The following MAP3K5 variants were observed in gnomAD, a reference collection of about 807,000 sequenced individuals.
The protein encoded by MAP3K5 is mitogen-activated protein kinase kinase kinase 5, also known as ASK-1.
A neutral mutation model predicts 158.7 loss-of-function variants in MAP3K5; 56 were observed. That is an observed-to-expected ratio of 0.35 (90% CI 0.28 to 0.44). The LOEUF (loss-of-function observed/expected upper bound fraction) is 0.44. Ranked by LOEUF, MAP3K5 falls within the 20% of genes least tolerant of loss-of-function variation. The pLI is 1.00. For missense variants in MAP3K5, 1,294 were observed against 1,674.8 expected, an observed-to-expected ratio of 0.77 and a Z score of 3.97; for synonymous variants, 579 against 601.7, an observed-to-expected ratio of 0.96 and a Z score of 0.55.
At chr6:136,582,263 CGT>C (rs61451347) in intron 24 of MAP3K5, among the ~76,000 whole-genome samples, 66,726 of 137,156 alleles carry the variant, frequency 0.49, 16,546 homozygotes, top group Middle Eastern at 0.59. Context: ...TGTGTGTATA[CGT>C]GTGTGTGTGT....
chr6:136,616,982 T>C (rs1459498776), intron 15 of MAP3K5, among the ~76,000 whole-genome samples: 1 of 151,866 alleles, frequency 6.6e-6, no homozygotes, highest in Non-Finnish European at 1.5e-5. Flanking sequence ...CCTCCCAAAG[T>C]GCTGAGATTA....
chr6:136,624,524 T>G (rs9389416), intron 14 of MAP3K5, among the ~76,000 whole-genome samples: 1 of 152,214 alleles, frequency 6.6e-6, no homozygotes, highest in East Asian at 1.9e-4. Context: ...ACATGAAAAA[T>G]ATATTATAAC....
intron 3 of MAP3K5, among the ~76,000 whole-genome samples, chr6:136,699,500 T>C (rs866251468): frequency 1.3e-5 from 2 of 152,162 alleles, no homozygotes; most frequent in Middle Eastern, 3.2e-3. Flanking sequence ...CAATGCAACG[T>C]ACAAGGGCCT....
chr6:136,618,390 T>G (rs755712375), intron 15 of MAP3K5, among the ~76,000 whole-genome samples: 16 of 152,366 alleles, frequency 1.1e-4, no homozygotes, highest in Admixed American at 2.0e-4. Flanking sequence ...GGGCTTGTCA[T>G]GTGCAAATCA....
Position 136,792,287 on chromosome 6 carries a change from G to A in MAP3K5, c.-130C>T. On this transcript the variant is annotated 5_prime_UTR_variant, in exon 1 of 30. Coordinates refer to ENST00000359015, the MANE Select transcript of MAP3K5 (RefSeq NM_005923.4). This position sits in a 1 kb window ranked among gnomAD's most constrained non-coding sequence, Gnocchi z 5.7. ...CATCGCGCGCCGCGCCCTCGCCGCC[G>A]CGCCGCCGCCTCCTCTCCGGCGCCC... is the stretch of plus-strand genomic sequence containing the variant. 1 of 1,088,654 alleles carries A rather than the reference G, an allele frequency of 9.2e-7. No individual in the cohort carries two copies. The highest frequency in any genetic ancestry group is 1.1e-6 in the Non-Finnish European group (1 of 903,212). The allele number at this position is 1,088,654 out of a possible 1,614,324, so 67.4% of individuals were successfully genotyped here.
At chr6:136,642,030 A>AAAATTAAAAT (rs1491266433) in intron 12 of MAP3K5, among the ~76,000 whole-genome samples, 1 of 119,340 alleles carries the variant, frequency 8.4e-6, no homozygotes, top group East Asian at 2.7e-4. Context: ...AAAATAAAAT[A>AAAATTAAAAT]AAAATAAAAT....
chr6:136,665,663 C>A (rs1336297264), intron 8 of MAP3K5, among the ~76,000 whole-genome samples: 1 of 152,154 alleles, frequency 6.6e-6, no homozygotes, highest in Non-Finnish European at 1.5e-5. Context: ...TGCTATATTT[C>A]ATCAACGGGA....
rs1382643187 is a variant in MAP3K5, at chr6:136,791,801, C to A, written c.357G>T (p.Ala119=). Residue 119 remains alanine (A), a synonymous_variant, in exon 1 of 30, where the codon GCG becomes GCT. Coordinates refer to ENST00000359015, the MANE Select transcript of MAP3K5 (RefSeq NM_005923.4). ...ESEALQSLRE[A]CETVGATLET... ...CCAGGGTGGCGCCCACTGTCTCGCACGCCTCCCGCAAGCTCTGCAGGGCCT... is the reference window on the plus strand; with the variant it reads ...CCAGGGTGGCGCCCACTGTCTCGCAAGCCTCCCGCAAGCTCTGCAGGGCCT... 2 of 1,613,780 alleles carry A rather than the reference C, an allele frequency of 1.2e-6. No homozygotes were observed. The highest frequency in any genetic ancestry group is 1.6e-4 in the Middle Eastern group (1 of 6,062).
At position 136,592,628 on chromosome 6, in the gene MAP3K5, G is replaced by C. The variant is rs946904869; in HGVS notation, c.2879-14C>G. ...TCCTGAGATATTCTGCTTGTGATGAGAGGAGGGAAAAGATAATTGACACTT... is the reference window on the plus strand; with the variant it reads ...TCCTGAGATATTCTGCTTGTGATGACAGGAGGGAAAAGATAATTGACACTT... On this transcript the variant is annotated splice_polypyrimidine_tract_variant and intron_variant, in intron 21 of 29. Transcript: ENST00000359015. 8.1e-6 allele frequency: 13 copies of C among 1,609,358 alleles called. No individual in the cohort carries two copies. The highest frequency in any genetic ancestry group is 1.7e-4 in the Middle Eastern group (1 of 6,036).
Position 136,592,699 on chromosome 6 carries a change from T to C in MAP3K5, c.2879-85A>G, listed in dbSNP as rs944675461. 8.4e-5 allele frequency: 95 copies of C among 1,137,102 alleles called. 1 individual carries two copies. The highest frequency in any genetic ancestry group is 4.5e-4 in the South Asian group (36 of 79,524). The allele number at this position is 1,137,102 out of a possible 1,614,324, so 70.4% of individuals were successfully genotyped here. A position where few individuals can be genotyped will look rare whatever the true frequency, so the allele number is the denominator to read the frequency against. On this transcript the variant is annotated intron_variant, in intron 21 of 29. Coordinates refer to ENST00000359015, the MANE Select transcript of MAP3K5 (RefSeq NM_005923.4). Reference sequence around the variant, plus strand: ...AAACACCCATTGAAAGAGGCCATATTCTTTGTCAAATATCTTGTTGCAATG... The same window carrying C: ...AAACACCCATTGAAAGAGGCCATATCCTTTGTCAAATATCTTGTTGCAATG...
At chr6:136,695,804 A>G (rs1780578714) in intron 6 of MAP3K5, 147 bp downstream of exon 6, 1 of 464,336 alleles carries the variant, frequency 2.2e-6, no homozygotes, top group Non-Finnish European at 3.8e-6. Flanking sequence ...CATGCTTCCT[A>G]TATTTCATGG....
At chr6:136,667,725 C>T (rs753158582) in intron 8 of MAP3K5, among the ~76,000 whole-genome samples, 6 of 151,646 alleles carry the variant, frequency 4.0e-5, no homozygotes, top group Non-Finnish European at 5.9e-5. Context: ...GTGGTATATG[C>T]CTGTAGTCTC....
At chr6:136,689,229 G>A (rs919405255) in intron 7 of MAP3K5, among the ~76,000 whole-genome samples, 1 of 152,234 alleles carries the variant, frequency 6.6e-6, no homozygotes, top group African/African-American at 2.4e-5. Context: ...GAGGCCAGGA[G>A]TTCCAGACTT....
At chr6:136,697,996 C>T (rs1376248807) in intron 4 of MAP3K5, among the ~76,000 whole-genome samples, 2 of 152,220 alleles carry the variant, frequency 1.3e-5, no homozygotes, top group African/African-American at 2.4e-5. Flanking sequence ...CTGCCCACCT[C>T]GGCCTCCCAA....
chr6:136,640,108 A>G (rs1376389659), intron 12 of MAP3K5, among the ~76,000 whole-genome samples: 2 of 152,248 alleles, frequency 1.3e-5, no homozygotes, highest in Non-Finnish European at 1.5e-5. Flanking sequence ...GAGTGAAGCA[A>G]TGTGCAAGTG....
chr6:136,656,293 G>A lies in MAP3K5; in HGVS notation c.1680+14C>T. On this transcript the variant is annotated intron_variant, in intron 10 of 29. Coordinates refer to ENST00000359015, the MANE Select transcript of MAP3K5 (RefSeq NM_005923.4). ...ATAAAGAAATGTACTTAGATTTAAA[G>A]GAAGAGTACTCACTGGAAACCTAAC... The A allele has an allele frequency of 6.2e-7, 1 of 1,610,100 alleles. No individual in the cohort carries two copies. Among genetic ancestry groups the A allele is most frequent in the South Asian group, 1.1e-5 (1 of 90,954 alleles).
chr6:136,759,099 AG>A (rs1383255478), intron 1 of MAP3K5, among the ~76,000 whole-genome samples: 2 of 152,180 alleles, frequency 1.3e-5, no homozygotes, highest in African/African-American at 4.8e-5. Context: ...TGAACCTGGG[AG>A]GTGAAGGTTG....
chr6:136,639,470 C>T (rs1195020570), intron 13 of MAP3K5, 73 bp downstream of exon 13: 3 of 745,786 alleles, frequency 4.0e-6, no homozygotes. Flanking sequence ...ACAGGAGGTA[C>T]ATGTTCACTC....
intron 7 of MAP3K5, among the ~76,000 whole-genome samples, chr6:136,683,831 G>C (rs1289819704): frequency 1.3e-5 from 2 of 152,068 alleles, no homozygotes; most frequent in African/African-American, 4.8e-5. Context: ...CTAGGATACA[G>C]TAAAAACAAC....
Sources: allele counts gnomAD v4.1 joint callset (sites outside exome capture counted in the v4.1 genomes callset), GRCh38; gene constraint gnomAD v4.1.1; non-coding constraint Gnocchi (gnomAD v3.1); transcripts MANE v1.5; gene names NCBI Gene and HGNC (gene_info 2026-07-23, HGNC 2026-07-21).